SAMTOR: variants seen among roughly 807,000 people sequenced by gnomAD.
SAMTOR encodes the protein S-adenosylmethionine sensor upstream of mTORC1.
the SAMTOR span, among the ~76,000 whole-genome samples, chr7:112,873,580 G>A: frequency 1.8e-4 from 28 of 152,118 alleles, no homozygotes; most frequent in Non-Finnish European, 3.2e-4. Context: ...TGGGTTAAAG[G>A]CTTACGTGAA....
chr7:112,864,004 G>T, the SAMTOR span, among the ~76,000 whole-genome samples: 1 of 152,190 alleles, frequency 6.6e-6, no homozygotes, highest in African/African-American at 2.4e-5. Context: ...CAACCTAAAT[G>T]CCCGTCAACA....
chr7:112,839,242 T>C, the SAMTOR span, among the ~76,000 whole-genome samples: 1 of 151,836 alleles, frequency 6.6e-6, no homozygotes, highest in Non-Finnish European at 1.5e-5. Flanking sequence ...TTTAACACAA[T>C]GATTTAAAAT....
At chr7:112,840,948 T>A in the SAMTOR span, among the ~76,000 whole-genome samples, 1 of 152,050 alleles carries the variant, frequency 6.6e-6, no homozygotes, top group East Asian at 1.9e-4. Flanking sequence ...TCATAAGAGC[T>A]ATTTATGACA....
chr7:112,879,644 G>T, the SAMTOR span, among the ~76,000 whole-genome samples: 2 of 152,112 alleles, frequency 1.3e-5, no homozygotes, highest in Non-Finnish European at 2.9e-5. Flanking sequence ...TTTATCTGAA[G>T]TGCTCCAATG....
chr7:112,846,484 T>A, the SAMTOR span, among the ~76,000 whole-genome samples: 1 of 152,226 alleles, frequency 6.6e-6, no homozygotes, highest in South Asian at 2.1e-4. Flanking sequence ...CCTGCACGTG[T>A]TCTCCTGAGC....
the SAMTOR span, among the ~76,000 whole-genome samples, chr7:112,860,227 G>A: frequency 2.0e-5 from 3 of 152,050 alleles, no homozygotes; most frequent in Non-Finnish European, 4.4e-5. Context: ...TACCATCTAG[G>A]TTTGTGAAAG....
the SAMTOR span, among the ~76,000 whole-genome samples, chr7:112,927,038 T>A: frequency 6.6e-6 from 1 of 152,068 alleles, no homozygotes; most frequent in Non-Finnish European, 1.5e-5. Flanking sequence ...AATGAAATTA[T>A]TAAAAAGGAA....
the SAMTOR span, among the ~76,000 whole-genome samples, chr7:112,923,380 C>T: frequency 1.3e-5 from 2 of 151,994 alleles, no homozygotes; most frequent in South Asian, 4.2e-4. Flanking sequence ...AACCAGAGAC[C>T]TTTGTTCACT....
chr7:112,929,996 A>C, the SAMTOR span, among the ~76,000 whole-genome samples: 1 of 149,830 alleles, frequency 6.7e-6, no homozygotes, highest in Non-Finnish European at 1.5e-5. Context: ...AAGCAAAAAA[A>C]TACATGAGTA....
chr7:112,843,977 T>A, the SAMTOR span, among the ~76,000 whole-genome samples: 1 of 152,028 alleles, frequency 6.6e-6, no homozygotes, highest in East Asian at 1.9e-4. Flanking sequence ...GTTCAACATA[T>A]GCAAATCAAT....
the SAMTOR span, among the ~76,000 whole-genome samples, chr7:112,869,387 C>A: frequency 2.6e-5 from 4 of 151,984 alleles, no homozygotes; most frequent in Non-Finnish European, 4.4e-5. Context: ...TACTGGACGG[C>A]AGCCTGAATT....
At chr7:112,824,913 G>C in the SAMTOR span, among the ~76,000 whole-genome samples, 3 of 152,252 alleles carry the variant, frequency 2.0e-5, no homozygotes, top group South Asian at 6.2e-4. Context: ...CTCCAACACT[G>C]TCCTTCAAAG....
At chr7:112,841,287 A>G in the SAMTOR span, among the ~76,000 whole-genome samples, 5 of 152,188 alleles carry the variant, frequency 3.3e-5, no homozygotes, top group Non-Finnish European at 5.9e-5. Context: ...TACACCAATA[A>G]TAGACAAACA....
the SAMTOR span, chr7:112,939,278 GTGTA>G: frequency 2.5e-6 from 1 of 403,008 alleles, no homozygotes; most frequent in Non-Finnish European, 4.5e-6. Flanking sequence ...CTCTGTGAGC[GTGTA>G]TGTGTTTGTG....
chr7:112,865,026 T>C, the SAMTOR span, among the ~76,000 whole-genome samples: 1 of 152,190 alleles, frequency 6.6e-6, no homozygotes, highest in East Asian at 1.9e-4. Context: ...ACTGCTGGGA[T>C]TACAGGTGTG....
the SAMTOR span, among the ~76,000 whole-genome samples, chr7:112,842,711 T>C: frequency 6.6e-6 from 1 of 152,112 alleles, no homozygotes; most frequent in Non-Finnish European, 1.5e-5. Context: ...ACAGTAGTAG[T>C]GTTTTGTTAC....
chr7:112,883,594 C>T, the SAMTOR span, among the ~76,000 whole-genome samples: 2 of 152,204 alleles, frequency 1.3e-5, no homozygotes, highest in Non-Finnish European at 2.9e-5. Context: ...AGTTTCTTTT[C>T]TCAAACTGAC....
the SAMTOR span, among the ~76,000 whole-genome samples, chr7:112,826,654 T>TTTCTTGTAC: frequency 0.011 from 1,740 of 152,248 alleles, 36 homozygotes; most frequent in African/African-American, 0.039. Context: ...CATTATTTCC[T>TTTCTTGTAC]TTTGGATTTA....
the SAMTOR span, among the ~76,000 whole-genome samples, chr7:112,850,758 C>A: frequency 1.3e-5 from 2 of 152,150 alleles, no homozygotes; most frequent in Non-Finnish European, 2.9e-5. Context: ...TGTAATGTCA[C>A]CTTTGTCATT....
Sources: gnomAD v4.1 joint callset for allele counts (sites outside exome capture counted in the v4.1 genomes callset) on GRCh38, gnomAD v4.1.1 for gene constraint, MANE v1.5 for transcripts, NCBI Gene and HGNC (gene_info 2026-07-23, HGNC 2026-07-21) for gene names.